NCAM2: variants seen among roughly 807,000 people sequenced by gnomAD.
NCAM2 encodes the protein N-CAM-2.
A neutral mutation model predicts 98.1 loss-of-function variants in NCAM2; 30 were observed. The ratio of observed to expected loss-of-function variants is 0.31; its 90% CI spans 0.23 to 0.41. NCAM2 has a LOEUF of 0.41. Ranked by LOEUF, NCAM2 falls within the 10% of genes least tolerant of loss-of-function variation. NCAM2 has a pLI of 1.00. For synonymous variants in NCAM2, 368 were observed against 342.4 expected, an observed-to-expected ratio of 1.07 and a Z score of -0.83; for missense variants, 867 against 1,005.8, an observed-to-expected ratio of 0.86 and a Z score of 1.87.
chr21:21,112,692 A>G (rs2066478691), intron 1 of NCAM2, among the ~76,000 whole-genome samples: 2 of 152,198 alleles, frequency 1.3e-5, no homozygotes, highest in Admixed American at 6.5e-5. Context: ...ATCAGGCCTT[A>G]TCACCCACAA....
At chr21:21,220,505 T>G (rs536456950) in intron 1 of NCAM2, among the ~76,000 whole-genome samples, 4 of 152,240 alleles carry the variant, frequency 2.6e-5, no homozygotes, top group South Asian at 4.1e-4. Context: ...GCAAATTCTA[T>G]CATGTCACAT....
At chr21:21,536,592 G>A (rs914888506) in intron 17 of NCAM2, among the ~76,000 whole-genome samples, 2 of 151,952 alleles carry the variant, frequency 1.3e-5, no homozygotes, top group Admixed American at 6.6e-5. Flanking sequence ...CTTTCTCCAT[G>A]TTGGTCAGGC....
At chr21:21,055,335 G>A (rs1459218759) in intron 1 of NCAM2, among the ~76,000 whole-genome samples, 1 of 151,902 alleles carries the variant, frequency 6.6e-6, no homozygotes, top group Non-Finnish European at 1.5e-5. Flanking sequence ...TATGCCCACT[G>A]GGCACCTTTA....
At chr21:21,266,559 G>C (rs6518098) in intron 1 of NCAM2, among the ~76,000 whole-genome samples, 5,280 of 152,102 alleles carry the variant, frequency 0.035, 169 homozygotes, top group East Asian at 0.15. Flanking sequence ...GGATGAGTGC[G>C]TGTCCTTTGT....
At chr21:21,509,775 G>T (rs920852070) in intron 16 of NCAM2, among the ~76,000 whole-genome samples, 1 of 151,994 alleles carries the variant, frequency 6.6e-6, no homozygotes, top group Non-Finnish European at 1.5e-5. Context: ...CATAGATATA[G>T]ATCTAATTTC....
chr21:21,264,668 C>T (rs932334523), intron 1 of NCAM2, among the ~76,000 whole-genome samples: 2 of 146,594 alleles, frequency 1.4e-5, no homozygotes, highest in Admixed American at 6.8e-5. Context: ...TATATATATA[C>T]ACACACACAC....
intron 12 of NCAM2, among the ~76,000 whole-genome samples, chr21:21,457,974 C>T (rs1439991869): frequency 2.0e-5 from 3 of 152,184 alleles, no homozygotes; most frequent in Admixed American, 1.3e-4. Context: ...CCATCTCAGT[C>T]GAAGCTAGGA....
At chr21:21,364,717 C>G (rs1568982485) in intron 8 of NCAM2, among the ~76,000 whole-genome samples, 1 of 151,850 alleles carries the variant, frequency 6.6e-6, no homozygotes, top group Admixed American at 6.6e-5. Context: ...TTTATGGTAT[C>G]AGTCCAATAA....
intron 1 of NCAM2, among the ~76,000 whole-genome samples, chr21:21,068,135 CTTTTTTTTTTTTTTTTT>C (rs68078560): frequency 4.5e-5 from 4 of 88,558 alleles, no homozygotes; most frequent in Non-Finnish European, 9.2e-5. Flanking sequence ...ACTTTTTTTT[CTTTTTTTTTTTTTTTTT>C]TTGAGACGGA....
At chr21:20,999,725 G>C (rs776104320) in intron 1 of NCAM2, among the ~76,000 whole-genome samples, 52 of 152,164 alleles carry the variant, frequency 3.4e-4, no homozygotes, top group Non-Finnish European at 6.8e-4. Context: ...TCAGTTCTAA[G>C]CATTTTTAGC....
At chr21:21,003,183 CCAGA>C (rs2064051246) in intron 1 of NCAM2, among the ~76,000 whole-genome samples, 1 of 152,038 alleles carries the variant, frequency 6.6e-6, no homozygotes, top group African/African-American at 2.4e-5. Flanking sequence ...TCAAACATTA[CCAGA>C]CATTTTAGAA....
intron 1 of NCAM2, among the ~76,000 whole-genome samples, chr21:21,026,963 T>A (rs1436461015): frequency 6.6e-6 from 1 of 151,606 alleles, no homozygotes; most frequent in Admixed American, 6.6e-5. Flanking sequence ...CTCAAGTGAT[T>A]CTTCTGCCTC....
At chr21:21,526,774 CAAAT>C (rs973853684) in intron 16 of NCAM2, among the ~76,000 whole-genome samples, 3 of 151,998 alleles carry the variant, frequency 2.0e-5, no homozygotes, top group African/African-American at 7.2e-5. Flanking sequence ...AAAGAGTAAA[CAAAT>C]AAATTAATGG....
rs948949024 is a variant in NCAM2 at position 21,454,967 on chromosome 21, C to G, written c.1655-11639C>G. On this transcript the variant is annotated intron_variant, in intron 12 of 17. Transcript: ENST00000400546. ...TCTCATAGCCTTAATATACATTTTC[C>G]TTCTCTAGATACAAGGGGAAATTAT... Among the ~76,000 whole-genome samples the G allele has an allele frequency of 3.3e-5, 5 of 151,868 alleles. No homozygotes were observed. In the South Asian group the frequency reaches 1.0e-3, roughly 31 times the overall value.
intron 16 of NCAM2, among the ~76,000 whole-genome samples, chr21:21,533,257 T>A (rs1989809966): frequency 7.0e-6 from 1 of 143,564 alleles, no homozygotes; most frequent in Admixed American, 7.7e-5. Context: ...AACATAACAG[T>A]TTCCCTGCTC....
intron 1 of NCAM2, among the ~76,000 whole-genome samples, chr21:21,185,881 A>C (rs988427607): frequency 6.6e-6 from 1 of 152,212 alleles, no homozygotes; most frequent in African/African-American, 2.4e-5. Flanking sequence ...AGTGTAATAT[A>C]TAGTTCCATT....
intron 15 of NCAM2, among the ~76,000 whole-genome samples, chr21:21,491,246 C>A (rs564755434): frequency 6.6e-6 from 1 of 151,690 alleles, no homozygotes; most frequent in East Asian, 1.9e-4. Context: ...ATAAAAACAT[C>A]GATCTCTAGT....
intron 1 of NCAM2, among the ~76,000 whole-genome samples, chr21:21,180,997 T>C (rs1381056086): frequency 6.6e-6 from 1 of 152,094 alleles, no homozygotes; most frequent in African/African-American, 2.4e-5. Flanking sequence ...CATGAGTGGG[T>C]CATTTTCTTT....
intron 11 of NCAM2, among the ~76,000 whole-genome samples, chr21:21,420,164 C>A (rs138689325): frequency 1.2e-4 from 19 of 152,116 alleles, no homozygotes; most frequent in African/African-American, 4.6e-4. Context: ...GTACAAAGAG[C>A]TATCTTACTT....
Sources: gnomAD v4.1 joint callset for allele counts (sites outside exome capture counted in the v4.1 genomes callset) on GRCh38, gnomAD v4.1.1 for gene constraint, MANE v1.5 for transcripts, NCBI Gene and HGNC (gene_info 2026-07-23, HGNC 2026-07-21) for gene names.